The following EXOC5 variants were observed in gnomAD, a reference collection of about 807,000 sequenced individuals.
EXOC5 encodes the protein exocyst complex component 5, also known as SEC10-like 1.
Under a neutral mutation model 90.8 loss-of-function variants are expected in EXOC5, and 17 were observed. The ratio of observed to expected loss-of-function variants is 0.19; its 90% CI spans 0.13 to 0.28. The LOEUF (loss-of-function observed/expected upper bound fraction) is 0.28, where lower values mean the gene tolerates loss of function less well. EXOC5 is among the 10% of genes least tolerant of loss of function. The probability of loss-of-function intolerance (pLI) is 1.00; values close to 1 mark genes in which losing one functional copy is unlikely to be tolerated. For synonymous variants in EXOC5, 260 were observed against 270.0 expected, an observed-to-expected ratio of 0.96 and a Z score of 0.36; for missense variants, 569 against 830.6, an observed-to-expected ratio of 0.69 and a Z score of 3.87.
At chr14:57,224,012 A>T (rs542291602) in intron 12 of EXOC5, among the ~76,000 whole-genome samples, 4 of 152,348 alleles carry the variant, frequency 2.6e-5, no homozygotes, top group African/African-American at 9.6e-5. Context: ...TTTGAACTGA[A>T]TAAAAATAAA....
At chr14:57,224,357 A>G (rs1566728200) in intron 12 of EXOC5, among the ~76,000 whole-genome samples, 2 of 152,198 alleles carry the variant, frequency 1.3e-5, no homozygotes, top group East Asian at 3.8e-4. Flanking sequence ...AGAAAAAAAA[A>G]TAACACAAAT....
At chr14:57,263,125 C>A (rs1001651159) in intron 1 of EXOC5, among the ~76,000 whole-genome samples, 1 of 152,068 alleles carries the variant, frequency 6.6e-6, no homozygotes, top group African/African-American at 2.4e-5. Context: ...TGACCCTTAC[C>A]CAAAAAAAGT....
At chr14:57,265,017 T>C (rs775944170) in intron 1 of EXOC5, among the ~76,000 whole-genome samples, 8 of 152,144 alleles carry the variant, frequency 5.3e-5, no homozygotes, top group Non-Finnish European at 1.0e-4. Context: ...AACAGTCTCA[T>C]GGTGAAAAAA....
intron 12 of EXOC5, among the ~76,000 whole-genome samples, chr14:57,225,197 A>G (rs1883268409): frequency 6.6e-6 from 1 of 152,262 alleles, no homozygotes; most frequent in South Asian, 2.1e-4. Context: ...AGTTTATCAA[A>G]GAAGAAATGC....
At chr14:57,214,035 G>A (rs1882902056) in intron 15 of EXOC5, among the ~76,000 whole-genome samples, 1 of 152,090 alleles carries the variant, frequency 6.6e-6, no homozygotes, top group Non-Finnish European at 1.5e-5. Context: ...TTAACCTCAG[G>A]GGTATCTGTA....
intron 15 of EXOC5, among the ~76,000 whole-genome samples, chr14:57,211,153 G>A (rs150354008): frequency 6.6e-6 from 1 of 152,216 alleles, no homozygotes; most frequent in African/African-American, 2.4e-5. Flanking sequence ...CCTTTAATAA[G>A]TCCATTGCAC....
At chr14:57,261,511 T>C (rs898954294) in intron 1 of EXOC5, among the ~76,000 whole-genome samples, 3 of 152,236 alleles carry the variant, frequency 2.0e-5, no homozygotes, top group African/African-American at 4.8e-5. Flanking sequence ...CTGTCTCCAC[T>C]AAGACCAGCA....
chr14:57,231,384 C>G (rs1219555087), intron 11 of EXOC5, 122 bp downstream of exon 11: 5 of 652,620 alleles, frequency 7.7e-6, no homozygotes, highest in African/African-American at 7.3e-5. Flanking sequence ...ATATAACAAT[C>G]TGGATTAAAA....
At chr14:57,231,442 C>T in intron 11 of EXOC5, 64 bp downstream of exon 11, 6 of 1,094,604 alleles carry the variant, frequency 5.5e-6, no homozygotes, top group Non-Finnish European at 7.9e-6. Context: ...TGATAATTTG[C>T]CCAAATATAA....
In EXOC5 at chr14:57,206,676, G is replaced by A. The variant is rs1882665410; in HGVS notation, c.*1933C>T. ...CGAATTTTGTCACTGTCCTATCAACGGACATAATAGAAAATATTGCACAGA... is the reference window on the plus strand; with the variant it reads ...CGAATTTTGTCACTGTCCTATCAACAGACATAATAGAAAATATTGCACAGA... On this transcript the variant is annotated 3_prime_UTR_variant, in exon 18 of 18. Transcript: ENST00000621441. The A allele has an allele frequency of 1.3e-5, 2 of 151,996 alleles. No homozygotes were observed. Among genetic ancestry groups the A allele is most frequent in the African/African-American group, 4.8e-5 (2 of 41,294 alleles). 9.4% of individuals were successfully genotyped at this position (151,996 alleles called of 1,614,324 possible). A position where few individuals can be genotyped will look rare whatever the true frequency, so the allele number is the denominator to read the frequency against.
intron 1 of EXOC5, 78 bp downstream of exon 1, chr14:57,268,544 C>G (rs781668380): frequency 1.2e-4 from 189 of 1,543,308 alleles, no homozygotes; most frequent in Non-Finnish European, 1.6e-4. Context: ...AGCCAGCAAA[C>G]GCCCGCTCCT....
chr14:57,218,186 C>T (rs1211835070), intron 14 of EXOC5, 118 bp from the exon 15 acceptor site: 7 of 503,728 alleles, frequency 1.4e-5, no homozygotes, highest in Non-Finnish European at 1.8e-5. Flanking sequence ...CATATATACA[C>T]ATTAATATTG....
intron 1 of EXOC5, among the ~76,000 whole-genome samples, chr14:57,252,956 A>G (rs758902033): frequency 3.3e-5 from 5 of 152,204 alleles, no homozygotes; most frequent in Non-Finnish European, 7.4e-5. Context: ...CTCAGCCATT[A>G]AAAAGAAGGA....
At position 57,268,857 on chromosome 14, in the gene EXOC5, C is replaced by T. The variant is rs1326250835; in HGVS notation, c.-209G>A. On this transcript the variant is annotated 5_prime_UTR_variant, in exon 1 of 18. Transcript: ENST00000621441. ...ACGCTTGTCAGCTGCCTCCCGGCGC[C>T]GCCCGCGCTGCTCCCATTGTCACCG... The T allele has an allele frequency of 3.1e-6, 4 of 1,310,340 alleles. No homozygotes were observed. The highest frequency in any genetic ancestry group is 4.0e-6 in the Non-Finnish European group (4 of 1,002,248). The allele number at this position is 1,310,340 out of a possible 1,614,324, so 81.2% of individuals were successfully genotyped here.
intron 1 of EXOC5, among the ~76,000 whole-genome samples, chr14:57,249,923 C>G (rs551572492): frequency 2.6e-5 from 4 of 152,066 alleles, no homozygotes; most frequent in Non-Finnish European, 5.9e-5. Flanking sequence ...TAGGCATGCA[C>G]CACTATGCTT....
intron 3 of EXOC5, among the ~76,000 whole-genome samples, chr14:57,245,298 G>C (rs1884002117): frequency 6.6e-6 from 1 of 152,072 alleles, no homozygotes; most frequent in Non-Finnish European, 1.5e-5. Context: ...GTGGGGAAGA[G>C]CTGTAAACAT....
chr14:57,200,674 T>A lies in EXOC5; in HGVS notation c.*7935A>T, dbSNP rs1882474111. ...CATACGGTATGCATTTCAAATTTAA[T>A]TCTTTCAAAATGTAAGTTCTGTGTC... On this transcript the variant is annotated 3_prime_UTR_variant, in exon 18 of 18. Coordinates refer to ENST00000621441, the MANE Select transcript of EXOC5 (RefSeq NM_006544.4). The A allele has an allele frequency of 6.6e-6, 1 of 151,708 alleles. No individual in the cohort carries two copies. Among genetic ancestry groups the A allele is most frequent in the Non-Finnish European group, 1.5e-5 (1 of 67,988 alleles). 9.4% of individuals were successfully genotyped at this position (151,708 alleles called of 1,614,324 possible).
chr14:57,225,611 A>G (rs1883283591), intron 12 of EXOC5, among the ~76,000 whole-genome samples: 1 of 152,074 alleles, frequency 6.6e-6, no homozygotes. Context: ...AAAGGCAAAT[A>G]GAACTAATAA....
intron 1 of EXOC5, among the ~76,000 whole-genome samples, chr14:57,261,635 C>T (rs532479621): frequency 1.3e-5 from 2 of 152,316 alleles, no homozygotes; most frequent in Admixed American, 6.5e-5. Flanking sequence ...AATAATCATA[C>T]TGTTCACAAA....
Sources: gnomAD v4.1 joint callset for allele counts (sites outside exome capture counted in the v4.1 genomes callset) on GRCh38, gnomAD v4.1.1 for gene constraint, MANE v1.5 for transcripts, NCBI Gene and HGNC (gene_info 2026-07-23, HGNC 2026-07-21) for gene names.